The following ARMH3 variants were observed in gnomAD, a reference collection of about 807,000 sequenced individuals.
ARMH3 encodes the protein armadillo like helical domain containing 3.
A neutral mutation model predicts 99.1 loss-of-function variants in ARMH3; 60 were observed. The observed-to-expected ratio is 0.61, with a 90% confidence interval of 0.49 to 0.75. The LOEUF is 0.75. ARMH3 is among the 30% of genes least tolerant of loss of function. ARMH3 has a pLI of 0.00. For synonymous variants in ARMH3, 285 were observed against 292.8 expected (o/e 0.97, Z 0.27); for missense variants, 679 against 843.1 (o/e 0.81, Z 2.41).
intron 23 of ARMH3, among the ~76,000 whole-genome samples, chr10:101,921,882 T>C (rs1037535470): frequency 6.6e-6 from 1 of 152,130 alleles, no homozygotes; most frequent in Non-Finnish European, 1.5e-5. Context: ...GGATATAACA[T>C]ATAGTTAGAT....
At chr10:101,875,720 T>A (rs2067243574) in intron 24 of ARMH3, among the ~76,000 whole-genome samples, 1 of 152,188 alleles carries the variant, frequency 6.6e-6, no homozygotes, top group South Asian at 2.1e-4. Flanking sequence ...CAGTGGGTGA[T>A]TAGTGAGAGG....
At chr10:102,022,524 T>C (rs1445971776) in intron 8 of ARMH3, among the ~76,000 whole-genome samples, 2 of 147,060 alleles carry the variant, frequency 1.4e-5, no homozygotes, top group Non-Finnish European at 3.0e-5. Flanking sequence ...AATTCCCAGG[T>C]TCCTGTTTCC....
chr10:102,019,594 G>C (rs2066829805), intron 8 of ARMH3, among the ~76,000 whole-genome samples: 1 of 152,052 alleles, frequency 6.6e-6, no homozygotes, highest in Non-Finnish European at 1.5e-5. Flanking sequence ...GTGTGTGTGT[G>C]TCTCAGTTTT....
intron 23 of ARMH3, among the ~76,000 whole-genome samples, chr10:101,907,405 C>T (rs1425163114): frequency 2.8e-5 from 4 of 144,570 alleles, no homozygotes; most frequent in South Asian, 2.2e-4. Context: ...TTTTTTGAGA[C>T]AGGGTCTCAC....
intron 1 of ARMH3, among the ~76,000 whole-genome samples, chr10:102,046,664 T>C (rs990138876): frequency 5.3e-5 from 8 of 151,878 alleles, no homozygotes; most frequent in Non-Finnish European, 8.8e-5. Context: ...AAAAGAAAAA[T>C]TGAAAAGAAA....
chr10:101,882,526 G>A (rs1199785918), intron 24 of ARMH3, among the ~76,000 whole-genome samples: 1 of 152,212 alleles, frequency 6.6e-6, no homozygotes, highest in African/African-American at 2.4e-5. Flanking sequence ...CTGAGATGGA[G>A]TCTTGCTCTG....
chr10:101,995,574 T>G (rs1260692546), intron 15 of ARMH3, among the ~76,000 whole-genome samples: 1 of 152,242 alleles, frequency 6.6e-6, no homozygotes, highest in African/African-American at 2.4e-5. Context: ...CCTGGTAGTC[T>G]GTTAAATGGC....
At chr10:101,923,077 C>T (rs1436374026) in intron 23 of ARMH3, among the ~76,000 whole-genome samples, 1 of 152,110 alleles carries the variant, frequency 6.6e-6, no homozygotes, top group Admixed American at 6.5e-5. Flanking sequence ...CCTCTTACAA[C>T]AGGAGCCCAC....
At chr10:102,018,142 A>G (rs2066790682) in intron 8 of ARMH3, among the ~76,000 whole-genome samples, 2 of 152,168 alleles carry the variant, frequency 1.3e-5, no homozygotes, top group African/African-American at 4.8e-5. Context: ...CTCAGTGCCA[A>G]ATGCTTCCTA....
chr10:101,999,278 G>A (rs1477862990), intron 15 of ARMH3, among the ~76,000 whole-genome samples: 2 of 151,318 alleles, frequency 1.3e-5, no homozygotes, highest in Non-Finnish European at 2.9e-5. Flanking sequence ...TGCAACCTCC[G>A]CCTCCCGCAT....
At chr10:102,036,640 C>T (rs546378330) in intron 2 of ARMH3, among the ~76,000 whole-genome samples, 1 of 152,084 alleles carries the variant, frequency 6.6e-6, no homozygotes, top group East Asian at 1.9e-4. Flanking sequence ...AAGGGCGGTG[C>T]AAGATGTGCT....
intron 24 of ARMH3, among the ~76,000 whole-genome samples, chr10:101,885,522 T>C (rs770911863): frequency 6.6e-6 from 1 of 152,166 alleles, no homozygotes; most frequent in Non-Finnish European, 1.5e-5. Flanking sequence ...TGAAATAAGC[T>C]TGTCACAAAA....
At chr10:101,932,552 T>C (rs1843765011) in intron 23 of ARMH3, among the ~76,000 whole-genome samples, 1 of 152,250 alleles carries the variant, frequency 6.6e-6, no homozygotes, top group African/African-American at 2.4e-5. Flanking sequence ...CAAAATGTGG[T>C]ATATTCATAC....
intron 1 of ARMH3, among the ~76,000 whole-genome samples, chr10:102,053,231 A>G (rs1564889843): frequency 6.6e-6 from 1 of 150,982 alleles, no homozygotes; most frequent in East Asian, 1.9e-4. Flanking sequence ...AAAAAAAAAA[A>G]AAAAAAAAGA....
chr10:101,942,293 TATC>T (rs1844275461), intron 22 of ARMH3, among the ~76,000 whole-genome samples: 1 of 152,218 alleles, frequency 6.6e-6, no homozygotes, highest in Admixed American at 6.5e-5. Context: ...GCTAGAAGGA[TATC>T]ATGATTACAA....
chr10:102,050,149 TA>T, intron 1 of ARMH3, among the ~76,000 whole-genome samples: 1 of 128,688 alleles, frequency 7.8e-6, no homozygotes, highest in South Asian at 2.4e-4. Flanking sequence ...TCTCAAAAAA[TA>T]AAAAAAATAG....
intron 13 of ARMH3, among the ~76,000 whole-genome samples, chr10:102,007,788 G>A (rs1292871693): frequency 4.8e-5 from 7 of 144,596 alleles, no homozygotes; most frequent in Admixed American, 7.1e-5. Context: ...AGCAGAGATC[G>A]TGCCACTGCA....
chr10:101,866,306 C>T (rs2067001379), intron 24 of ARMH3, among the ~76,000 whole-genome samples: 1 of 151,576 alleles, frequency 6.6e-6, no homozygotes, highest in Non-Finnish European at 1.5e-5. Flanking sequence ...ACTTGAACAA[C>T]TCCATGGAAC....
chr10:101,850,086 CTCTCTTTTTT>C (rs1013534001), intron 24 of ARMH3, among the ~76,000 whole-genome samples, 194 bp from the exon 25 acceptor site: 8 of 141,384 alleles, frequency 5.7e-5, no homozygotes, highest in Non-Finnish European at 9.2e-5. Flanking sequence ...CTTTCTCTCT[CTCTCTTTTTT>C]TTTTTTTTTT....
Sources: gnomAD v4.1 joint callset for allele counts (sites outside exome capture counted in the v4.1 genomes callset) on GRCh38, gnomAD v4.1.1 for gene constraint, MANE v1.5 for transcripts, NCBI Gene and HGNC (gene_info 2026-07-23, HGNC 2026-07-21) for gene names.